The following TENM2 variants were observed in gnomAD, a reference collection of about 807,000 sequenced individuals.
TENM2 encodes teneurin transmembrane protein 2.
A neutral mutation model predicts 245.2 loss-of-function variants in TENM2; 52 were observed. That is an observed-to-expected ratio of 0.21 (90% CI 0.17 to 0.27). The LOEUF is 0.27. Among genes scored for constraint, TENM2 ranks in the 10% least tolerant of loss-of-function variants. The pLI is 1.00. For synonymous variants in TENM2, 1,363 were observed against 1,438.9 expected (o/e 0.95, Z 1.19); for missense variants, 3,046 against 3,666.8 (o/e 0.83, Z 4.37).
upstream of TENM2, among the ~76,000 whole-genome samples, chr5:167,281,113 G>GTT (rs754623913): frequency 1.8e-3 from 219 of 122,510 alleles, 1 homozygote; most frequent in African/African-American, 5.2e-3. Flanking sequence ...GACAATCAAT[G>GTT]TTTTTTTTTT....
At chr5:167,283,841 C>T (rs1245806744), upstream of TENM2, among the ~76,000 whole-genome samples, 1 of 152,236 alleles carries the variant, frequency 6.6e-6, no homozygotes, top group African/African-American at 2.4e-5. Context: ...AAGCAGAAGG[C>T]GAGTGTTTTC....
At chr5:167,765,906 G>A (rs1762987981) in intron 2 of TENM2, among the ~76,000 whole-genome samples, 2 of 152,102 alleles carry the variant, frequency 1.3e-5, no homozygotes, top group East Asian at 1.9e-4. Context: ...AAACTTAATT[G>A]ATATGTATTG....
At chr5:168,116,973 A>G (rs754348237) in intron 9 of TENM2, among the ~76,000 whole-genome samples, 1 of 152,198 alleles carries the variant, frequency 6.6e-6, no homozygotes, top group African/African-American at 2.4e-5. Context: ...TGCCACTTCC[A>G]TAGCCGGAGG....
chr5:167,749,340 G>A (rs897640822), intron 2 of TENM2, among the ~76,000 whole-genome samples: 26 of 152,076 alleles, frequency 1.7e-4, no homozygotes, highest in African/African-American at 4.3e-4. Context: ...TGAACATAAG[G>A]GAATAAAAAT....
intron 2 of TENM2, among the ~76,000 whole-genome samples, chr5:167,596,568 C>A (rs1276360732): frequency 3.9e-5 from 6 of 152,006 alleles, no homozygotes; most frequent in Admixed American, 3.9e-4. Context: ...CCGAGGCAGG[C>A]GGATCACGAG....
At chr5:167,064,107 A>G in the TENM2 span, among the ~76,000 whole-genome samples, 9 of 152,290 alleles carry the variant, frequency 5.9e-5, no homozygotes, top group African/African-American at 1.7e-4. Flanking sequence ...CAGACCTAAT[A>G]TATTGAGGGG....
At chr5:168,095,568 TATTTA>T (rs878990964) in intron 8 of TENM2, among the ~76,000 whole-genome samples, 3 of 152,320 alleles carry the variant, frequency 2.0e-5, no homozygotes, top group Admixed American at 2.0e-4. Flanking sequence ...AATTTTTGCT[TATTTA>T]ATTTGTTTGT....
At position 168,098,252 on chromosome 5, in the gene TENM2, A is replaced by G. The variant is rs1206116086; in HGVS notation, c.1813+125A>G. The G allele has an allele frequency of 1.9e-5, 13 of 693,712 alleles. No individual in the cohort carries two copies. The African/African-American group carries it at 2.1e-4, about 11-fold the overall frequency. The allele number at this position is 693,712 out of a possible 1,614,324, so 43.0% of individuals were successfully genotyped here. On this transcript the variant is annotated intron_variant, in intron 9 of 28. Transcript: ENST00000518659. ...ATCCCCCGAGACATCTTGCAAGCCC[A>G]TGCATGCCAGAAGGCATAAGCCTTC...
intron 2 of TENM2, among the ~76,000 whole-genome samples, chr5:167,853,289 CAAAAAAAAAA>C (rs777170514): frequency 8.1e-5 from 2 of 24,622 alleles, no homozygotes; most frequent in African/African-American, 1.5e-4. Context: ...GACTCCGTCT[CAAAAAAAAAA>C]AAAAAAAAAA....
intron 12 of TENM2, among the ~76,000 whole-genome samples, chr5:168,150,308 T>C (rs964717427): frequency 9.2e-5 from 14 of 152,208 alleles, no homozygotes; most frequent in African/African-American, 3.4e-4. Flanking sequence ...ATTCAGTAAA[T>C]GTTTGATGTG....
intron 2 of TENM2, among the ~76,000 whole-genome samples, chr5:167,807,633 A>ATTTT (rs1561803934): frequency 8.1e-5 from 9 of 111,644 alleles, no homozygotes; most frequent in East Asian, 5.1e-4. Flanking sequence ...TTAAAAAAAA[A>ATTTT]AAAAAAGAGA....
At chr5:167,381,066 AAAT>A (rs959578066) in intron 2 of TENM2, among the ~76,000 whole-genome samples, 1 of 152,138 alleles carries the variant, frequency 6.6e-6, no homozygotes, top group Non-Finnish European at 1.5e-5. Flanking sequence ...CCTGCTCAGA[AAAT>A]AATATCAAAG....
At chr5:168,060,252 A>G (rs904017808) in intron 6 of TENM2, among the ~76,000 whole-genome samples, 1 of 151,936 alleles carries the variant, frequency 6.6e-6, no homozygotes, top group African/African-American at 2.4e-5. Flanking sequence ...AGAAAAAAGA[A>G]AAAAACTTTA....
the TENM2 span, among the ~76,000 whole-genome samples, chr5:167,254,123 C>G: frequency 6.6e-6 from 1 of 151,794 alleles, no homozygotes; most frequent in Admixed American, 6.6e-5. Flanking sequence ...ACAAGAGAAC[C>G]CTTTACACTC....
chr5:167,241,338 T>C, the TENM2 span, among the ~76,000 whole-genome samples: 1 of 152,198 alleles, frequency 6.6e-6, no homozygotes, highest in Non-Finnish European at 1.5e-5. Flanking sequence ...CACATACTTA[T>C]AGGGTTACAA....
rs555881139 is a variant in TENM2, at chr5:167,422,454, T to C, written c.502+46981T>C. ...CCCAAAGCTAATAGGTGAAAAGATA[T>C]ATACCTAACATTTTAAGGGATTTTC... On this transcript the variant is annotated intron_variant, in intron 2 of 28. Coordinates refer to ENST00000518659, the Ensembl canonical transcript of TENM2. Among the ~76,000 whole-genome samples the C allele has an allele frequency of 1.1e-4, 17 of 152,290 alleles. No individual in the cohort carries two copies. In the South Asian group the frequency reaches 2.5e-3, roughly 22 times the overall value.
chr5:167,729,156 T>TG (rs1451677389), intron 2 of TENM2: 2 of 152,188 alleles, frequency 1.3e-5, no homozygotes, highest in African/African-American at 4.8e-5. Context: ...AGCTTTGTAA[T>TG]ATTCCTAGGA....
chr5:167,874,778 C>A (rs139352673), intron 2 of TENM2, among the ~76,000 whole-genome samples: 1 of 152,332 alleles, frequency 6.6e-6, no homozygotes, highest in Non-Finnish European at 1.5e-5. Context: ...ATGCAGCAGC[C>A]TCTGTGTGGG....
At chr5:167,529,443 A>T (rs957239069) in intron 2 of TENM2, among the ~76,000 whole-genome samples, 1 of 152,202 alleles carries the variant, frequency 6.6e-6, no homozygotes, top group South Asian at 2.1e-4. Flanking sequence ...ACTAGAATCC[A>T]TTGCCATGCT....
Sources: allele counts gnomAD v4.1 joint callset (sites outside exome capture counted in the v4.1 genomes callset), GRCh38; gene constraint gnomAD v4.1.1; transcripts MANE v1.5; gene names NCBI Gene and HGNC (gene_info 2026-07-23, HGNC 2026-07-21).